The following SND1 variants were observed in gnomAD, a reference collection of about 807,000 sequenced individuals.
The protein encoded by SND1 is staphylococcal nuclease domain-containing protein 1.
A neutral mutation model predicts 121.7 loss-of-function variants in SND1; 38 were observed. That is an observed-to-expected ratio of 0.31 (90% CI 0.24 to 0.41). The LOEUF (loss-of-function observed/expected upper bound fraction) is 0.41. Among genes scored for constraint, SND1 ranks in the 10% least tolerant of loss-of-function variants. The probability of loss-of-function intolerance (pLI) is 1.00; values close to 1 mark genes in which losing one functional copy is unlikely to be tolerated. For synonymous variants in SND1, 401 were observed against 447.4 expected (o/e 0.90, Z 1.31); for missense variants, 868 against 1,184.6 (o/e 0.73, Z 3.92).
At chr7:127,865,038 A>G (rs920994986) in intron 12 of SND1, among the ~76,000 whole-genome samples, 1 of 152,238 alleles carries the variant, frequency 6.6e-6, no homozygotes, top group Non-Finnish European at 1.5e-5. Context: ...TCATTATGCT[A>G]ATTCTGGGTA....
At position 128,059,253 on chromosome 7, in the gene SND1, C is replaced by A. The variant is rs551054008; in HGVS notation, c.1780-15249C>A. 1.2e-3 allele frequency among the ~76,000 whole-genome samples: 189 copies of A among 152,284 alleles called. 5 individuals carry two copies. In the South Asian group the frequency reaches 0.037, roughly 30 times the overall value. ...AGAGCTGGCTCTCTCCCTTGAACCC[C>A]CCTAGTACCTGCTGCCTGTACCACT... On this transcript the variant is annotated intron_variant, in intron 16 of 23. Transcript: ENST00000354725.
intron 16 of SND1, among the ~76,000 whole-genome samples, chr7:128,048,059 G>C (rs1197326035): frequency 6.6e-6 from 1 of 152,046 alleles, no homozygotes; most frequent in African/African-American, 2.4e-5. Flanking sequence ...TGTTGGCCAG[G>C]CTGGTCTCGA....
At chr7:127,978,139 A>G (rs1802169542) in intron 15 of SND1, among the ~76,000 whole-genome samples, 1 of 152,178 alleles carries the variant, frequency 6.6e-6, no homozygotes, top group African/African-American at 2.4e-5. Flanking sequence ...AGGATAGTGC[A>G]GAGAGAAAAA....
chr7:127,812,971 A>T (rs985780106), intron 11 of SND1, among the ~76,000 whole-genome samples: 1 of 152,226 alleles, frequency 6.6e-6, no homozygotes, highest in Non-Finnish European at 1.5e-5. Flanking sequence ...CATTCATGCT[A>T]TGGAAAAGTC....
intron 10 of SND1, among the ~76,000 whole-genome samples, chr7:127,732,549 C>G (rs1256105587): frequency 6.6e-6 from 1 of 152,190 alleles, no homozygotes; most frequent in Non-Finnish European, 1.5e-5. Context: ...GACTGCTGCC[C>G]TTTAGCTGTC....
At chr7:127,702,628 G>T (rs1796123632) in intron 6 of SND1, 102 bp downstream of exon 6, 2 of 900,896 alleles carry the variant, frequency 2.2e-6, no homozygotes, top group Non-Finnish European at 3.7e-6. Flanking sequence ...TCTTCCTAAT[G>T]TGGGCCATTA....
chr7:127,973,416 G>A (rs1304956915), intron 15 of SND1, among the ~76,000 whole-genome samples: 2 of 152,142 alleles, frequency 1.3e-5, no homozygotes, highest in Admixed American at 1.3e-4. Context: ...TGTGATGTTC[G>A]GAGGCTTCTG....
intron 15 of SND1, among the ~76,000 whole-genome samples, chr7:127,989,048 C>T (rs946297074): frequency 1.3e-5 from 2 of 152,230 alleles, no homozygotes; most frequent in Non-Finnish European, 2.9e-5. Context: ...GGCCATCTTT[C>T]ATTCCATTTT....
At chr7:127,884,098 A>ATCCAC (rs1261032453) in intron 12 of SND1, among the ~76,000 whole-genome samples, 1 of 152,150 alleles carries the variant, frequency 6.6e-6, no homozygotes, top group African/African-American at 2.4e-5. Context: ...AACAGTTATA[A>ATCCAC]TCCACTCAAA....
intron 12 of SND1, among the ~76,000 whole-genome samples, chr7:127,866,572 C>T (rs1376304777): frequency 6.6e-6 from 1 of 152,122 alleles, no homozygotes; most frequent in Non-Finnish European, 1.5e-5. Flanking sequence ...GCCATCCCTC[C>T]ACTCCATGCA....
At chr7:127,756,672 A>C (rs1463273411) in intron 10 of SND1, among the ~76,000 whole-genome samples, 1 of 152,120 alleles carries the variant, frequency 6.6e-6, no homozygotes, top group Non-Finnish European at 1.5e-5. Context: ...TTCTGCTAGG[A>C]TATGTGGCGA....
chr7:127,659,712 G>A (rs1795275043), intron 1 of SND1, among the ~76,000 whole-genome samples: 1 of 152,166 alleles, frequency 6.6e-6, no homozygotes, highest in South Asian at 2.1e-4. Context: ...AAGCAGCATG[G>A]CAGAGAGAAG....
rs149437461 is a variant in SND1 at position 127,795,900 on chromosome 7, C to T, written c.1153-11584C>T. Among the ~76,000 whole-genome samples, 484 of 152,082 alleles carry T rather than the reference C, an allele frequency of 3.2e-3. 1 individual carries two copies. Among genetic ancestry groups the T allele is most frequent in the Middle Eastern group, 0.027 (8 of 294 alleles). ...TGAGACACAGTCTTGCTCTGTCACC[C>T]AGGCTGGAGTGCAGTGGCGTGATCT... On this transcript the variant is annotated intron_variant, in intron 10 of 23. Coordinates refer to ENST00000354725, the MANE Select transcript of SND1 (RefSeq NM_014390.4).
intron 11 of SND1, among the ~76,000 whole-genome samples, chr7:127,811,690 A>G (rs538933174): frequency 4.0e-4 from 61 of 152,278 alleles, no homozygotes; most frequent in South Asian, 2.7e-3. Context: ...AATGGTTAAT[A>G]TATGTAATGA....
At chr7:127,897,265 G>A (rs1438644251) in intron 13 of SND1, among the ~76,000 whole-genome samples, 1 of 152,110 alleles carries the variant, frequency 6.6e-6, no homozygotes, top group Non-Finnish European at 1.5e-5. Context: ...ATTTTTTCCA[G>A]TAAGTCAGAA....
intron 10 of SND1, among the ~76,000 whole-genome samples, chr7:127,745,462 T>G (rs1796964799): frequency 1.3e-5 from 2 of 152,158 alleles, no homozygotes; most frequent in South Asian, 4.1e-4. Flanking sequence ...TTGATTCAGA[T>G]TTTTTTGTTT....
rs141673540 is a variant in SND1 at position 128,081,742 on chromosome 7, C to T, written c.2110+241C>T. The T allele has an allele frequency of 3.8e-4, 241 of 629,744 alleles. No individual in the cohort carries two copies. The East Asian group carries it at 6.9e-3, about 18-fold the overall frequency. The allele number at this position is 629,744 out of a possible 1,614,324, so 39.0% of individuals were successfully genotyped here. A position where few individuals can be genotyped will look rare whatever the true frequency, so the allele number is the denominator to read the frequency against. On this transcript the variant is annotated intron_variant, in intron 18 of 23. Coordinates refer to ENST00000354725, the MANE Select transcript of SND1 (RefSeq NM_014390.4). ...TTGGGCTCAGGCATGGAGGTGCTGC[C>T]GGACAGGTCCTCTGGACGCAGGTGA...
intron 12 of SND1, among the ~76,000 whole-genome samples, chr7:127,878,325 G>A (rs1470738285): frequency 6.6e-6 from 1 of 152,166 alleles, no homozygotes; most frequent in East Asian, 1.9e-4. Flanking sequence ...AAACTTATTA[G>A]AGAGATTCAT....
At chr7:127,751,333 T>C (rs1156703432) in intron 10 of SND1, among the ~76,000 whole-genome samples, 1 of 152,192 alleles carries the variant, frequency 6.6e-6, no homozygotes, top group Non-Finnish European at 1.5e-5. Flanking sequence ...TCATTTGATA[T>C]TGTAGCCCAT....
Sources: gnomAD v4.1 joint callset for allele counts (sites outside exome capture counted in the v4.1 genomes callset) on GRCh38, gnomAD v4.1.1 for gene constraint, MANE v1.5 for transcripts, NCBI Gene and HGNC (gene_info 2026-07-23, HGNC 2026-07-21) for gene names.